The following KLF13 variants were observed in gnomAD, a reference collection of about 807,000 sequenced individuals.
KLF13 encodes the protein KLF transcription factor 13, also known as Krueppel-like factor 13.
In KLF13, 8 loss-of-function variants were observed where a neutral mutation model predicts 16.7. The observed-to-expected ratio is 0.48, with a 90% CI of 0.28 to 0.87. The LOEUF is 0.87. KLF13 is among the 40% of genes least tolerant of loss of function. The pLI is 0.10. For missense variants in KLF13, 447 were observed against 452.2 expected, an observed-to-expected ratio of 0.99 and a Z score of 0.10; for synonymous variants, 245 against 208.4, an observed-to-expected ratio of 1.18 and a Z score of -1.51.
At chr15:31,404,638 C>T (rs561726642) in exon 3 of KLF13, 1 of 152,282 alleles carries the variant, frequency 6.6e-6, no homozygotes, top group South Asian at 2.1e-4. Context: ...AGCTGGCCAC[C>T]CTCCAGTCAG....
intron 1 of KLF13, among the ~76,000 whole-genome samples, chr15:31,346,194 C>A (rs1282210892): frequency 5.3e-5 from 8 of 152,108 alleles, no homozygotes; most frequent in Non-Finnish European, 7.4e-5. Flanking sequence ...GGAAGATTAC[C>A]CATCTGTGGC....
At chr15:31,348,136 G>T (rs940066680) in intron 1 of KLF13, among the ~76,000 whole-genome samples, 1 of 152,236 alleles carries the variant, frequency 6.6e-6, no homozygotes. Flanking sequence ...CGCAGGCTTT[G>T]TGGGAAGAAA....
At chr15:31,423,096 TATAC>T (rs1321313475) in intron 1 of KLF13, among the ~76,000 whole-genome samples, 1 of 140,344 alleles carries the variant, frequency 7.1e-6, no homozygotes, top group African/African-American at 2.7e-5. Flanking sequence ...TATACGTATA[TATAC>T]GTATACGTAT....
At chr15:31,333,854 T>C (rs1280228886) in intron 1 of KLF13, among the ~76,000 whole-genome samples, 1 of 152,182 alleles carries the variant, frequency 6.6e-6, no homozygotes, top group Non-Finnish European at 1.5e-5. Flanking sequence ...CAACTCACAA[T>C]GTGGATTGGT....
intron 1 of KLF13, among the ~76,000 whole-genome samples, chr15:31,368,556 T>G (rs2039510774): frequency 6.6e-6 from 1 of 151,916 alleles, no homozygotes; most frequent in African/African-American, 2.4e-5. Flanking sequence ...ATACATAGGA[T>G]TTTTTTAAAA....
In KLF13 at chr15:31,429,174, G is replaced by A. The variant is rs370376033; in HGVS notation, n.118-6196G>A. ...TGATGACAAAAAGTGACAGTGCAGAGCAGCAGGGAAAGGACAGCGTTTTCA... is the reference window on the plus strand; with the variant it reads ...TGATGACAAAAAGTGACAGTGCAGAACAGCAGGGAAAGGACAGCGTTTTCA... On this transcript the variant is annotated intron_variant and non_coding_transcript_variant, in intron 1 of 1. Coordinates refer to the KLF13 transcript ENST00000558225. Among the ~76,000 whole-genome samples, 164 of 144,600 alleles carry A rather than the reference G, an allele frequency of 1.1e-3. 1 individual carries two copies. The highest frequency in any genetic ancestry group is 4.6e-3 in the South Asian group (22 of 4,816). 94.9% of individuals were successfully genotyped at this position (144,600 alleles called of 152,430 possible).
intron 1 of KLF13, among the ~76,000 whole-genome samples, chr15:31,415,955 C>T (rs1256761404): frequency 6.6e-6 from 1 of 151,740 alleles, no homozygotes; most frequent in Non-Finnish European, 1.5e-5. Context: ...AAAGAGGGCT[C>T]AAATTACTAG....
rs368159982 is a variant in KLF13, at chr15:31,411,905, G to T, written n.117+18214G>T. The stretch of plus-strand genomic sequence containing the variant: ...GCTAGCATCATATTTGGTTGTGAAA[G>T]ACTCAATATGTCTACCCAAGGATCA... On this transcript the variant is annotated intron_variant and non_coding_transcript_variant, in intron 1 of 1. Transcript: ENST00000558225. 1.5e-4 allele frequency among the ~76,000 whole-genome samples: 23 copies of T among 152,246 alleles called. 2 individuals carry two copies. The highest frequency in any genetic ancestry group is 9.2e-4 in the Admixed American group (14 of 15,300).
chr15:31,387,435 A>G (rs2039806950), intron 1 of KLF13, among the ~76,000 whole-genome samples: 1 of 152,212 alleles, frequency 6.6e-6, no homozygotes, highest in African/African-American at 2.4e-5. Flanking sequence ...AAATTAAGGT[A>G]TGTACATTAT....
chr15:31,358,148 C>T (rs938753176), intron 1 of KLF13, among the ~76,000 whole-genome samples: 8 of 152,176 alleles, frequency 5.3e-5, no homozygotes, highest in African/African-American at 1.9e-4. Flanking sequence ...CTCCTTTGTT[C>T]TTGCCCAACA....
In KLF13 at chr15:31,424,344, G is replaced by A. The variant is rs887452568; in HGVS notation, n.118-11026G>A. On this transcript the variant is annotated intron_variant and non_coding_transcript_variant, in intron 1 of 1. Transcript: ENST00000558225. ...AACAAAATACTAGCAAACCAAATTC[G>A]ATGACACATTAAAAGGTTTATACAC... Among the ~76,000 whole-genome samples the A allele has an allele frequency of 9.9e-5, 15 of 152,072 alleles. 2 individuals carry two copies. The highest frequency in any genetic ancestry group is 6.8e-3 in the Middle Eastern group (2 of 294).
downstream of KLF13, among the ~76,000 whole-genome samples, chr15:31,408,617 G>A (rs887177189): frequency 1.3e-5 from 2 of 152,170 alleles, no homozygotes; most frequent in Admixed American, 6.5e-5. Flanking sequence ...GGAAAGTTGT[G>A]CTCATTTCCA....
At chr15:31,344,126 C>T (rs992631720) in intron 1 of KLF13, among the ~76,000 whole-genome samples, 3 of 152,150 alleles carry the variant, frequency 2.0e-5, no homozygotes, top group Non-Finnish European at 2.9e-5. Context: ...GCAGCTACCT[C>T]CTGCTAGCGC....
intron 1 of KLF13, among the ~76,000 whole-genome samples, chr15:31,367,661 C>G (rs2039496103): frequency 1.3e-5 from 2 of 152,184 alleles, no homozygotes; most frequent in Non-Finnish European, 2.9e-5. Context: ...GTTGGCTTCC[C>G]CCCACACCAA....
intron 1 of KLF13, among the ~76,000 whole-genome samples, chr15:31,348,073 A>G (rs2039154207): frequency 6.6e-6 from 1 of 152,192 alleles, no homozygotes; most frequent in African/African-American, 2.4e-5. Context: ...CTGAAGGCGG[A>G]AGGCAGGCCT....
chr15:31,328,557 G>A (rs1264939179), intron 1 of KLF13, among the ~76,000 whole-genome samples: 2 of 151,668 alleles, frequency 1.3e-5, no homozygotes, highest in African/African-American at 4.8e-5. Flanking sequence ...CCCATCCTCC[G>A]TGCTGCCCTC....
At chr15:31,339,918 A>G (rs2038993607) in intron 1 of KLF13, 2 of 701,858 alleles carry the variant, frequency 2.8e-6, no homozygotes. Flanking sequence ...CTTGGATTTC[A>G]CTGGGCTTCC....
rs141999530 is a variant in KLF13 at position 31,373,888 on chromosome 15, TGGGG to T, written c.*1594_*1597del. On this transcript the variant is annotated 3_prime_UTR_variant, in exon 2 of 2. Transcript: ENST00000307145. The stretch of plus-strand genomic sequence containing the variant: ...CGCGCGTGAGCACACACGCGTGTGT[TGGGG>T]GGGGTGGGGGGATTGGGGTGGACTC... 1.2e-5 allele frequency: 1 copy of T among 80,642 alleles called. No homozygotes were observed. Among genetic ancestry groups the T allele is most frequent in the African/African-American group, 4.4e-5 (1 of 22,766 alleles). 5.0% of individuals were successfully genotyped at this position (80,642 alleles called of 1,614,324 possible).
chr15:31,411,391 TTTTTTTTTC>T (rs1279999366), intron 1 of KLF13, among the ~76,000 whole-genome samples: 2 of 129,616 alleles, frequency 1.5e-5, no homozygotes, highest in African/African-American at 7.4e-5. Context: ...ACCAACACAT[TTTTTTTTTC>T]TTTTTTTTTT....
Sources: allele counts gnomAD v4.1 joint callset (sites outside exome capture counted in the v4.1 genomes callset), GRCh38; gene constraint gnomAD v4.1.1; transcripts MANE v1.5; gene names NCBI Gene and HGNC (gene_info 2026-07-23, HGNC 2026-07-21).